The following TF variants were observed in gnomAD, a reference collection of about 807,000 sequenced individuals.
TF encodes transferrin.
In TF, 55 loss-of-function variants were observed where a neutral mutation model predicts 82.4. The observed-to-expected ratio is 0.67, with a 90% CI of 0.54 to 0.84. The LOEUF (loss-of-function observed/expected upper bound fraction) is 0.84, where lower values mean the gene tolerates loss of function less well. Ranked by LOEUF, TF falls within the 40% of genes least tolerant of loss-of-function variation. The pLI, the probability that TF is intolerant of heterozygous loss-of-function variation, is 0.00. For synonymous variants in TF, 332 were observed against 332.6 expected (o/e 1.00, Z 0.02); for missense variants, 737 against 868.4 (o/e 0.85, Z 1.90).
upstream of TF, among the ~76,000 whole-genome samples, chr3:133,741,685 G>A (rs774135555): frequency 3.9e-5 from 6 of 152,206 alleles, no homozygotes; most frequent in African/African-American, 9.6e-5. Flanking sequence ...GGGTCATACC[G>A]TTTTCCTTTA....
chr3:133,755,744 C>G, intron 5 of TF: 1 of 568,492 alleles, frequency 1.8e-6, no homozygotes, highest in Non-Finnish European at 3.1e-6. Flanking sequence ...GCCCTCAAGC[C>G]TGGTCAGTGT....
the TF span, chr3:133,694,343 T>C: frequency 6.5e-6 from 1 of 152,850 alleles, no homozygotes; most frequent in African/African-American, 2.4e-5. Flanking sequence ...AATCGTACTT[T>C]GGCTACGCGG....
chr3:133,728,705 A>G, the TF span, among the ~76,000 whole-genome samples: 2 of 152,198 alleles, frequency 1.3e-5, no homozygotes, highest in Non-Finnish European at 2.9e-5. Context: ...GAGGAACTGC[A>G]TTCCTTTGGA....
chr3:133,719,288 G>A, the TF span, among the ~76,000 whole-genome samples: 1 of 152,094 alleles, frequency 6.6e-6, no homozygotes, highest in Non-Finnish European at 1.5e-5. Flanking sequence ...CCCTGTTAAC[G>A]GGAGAACACA....
At chr3:133,686,554 G>A in the TF span, among the ~76,000 whole-genome samples, 22,058 of 152,060 alleles carry the variant, frequency 0.15, 1,821 homozygotes, top group Non-Finnish European at 0.19. Context: ...GAACAGACAC[G>A]TCTCAAAAGA....
At chr3:133,754,139 G>T (rs1368791015) in intron 3 of TF, 4 of 418,678 alleles carry the variant, frequency 9.6e-6, no homozygotes, top group Non-Finnish European at 1.8e-5. Flanking sequence ...TGTGCCAGGG[G>T]ACATGAAATA....
chr3:133,756,745 C>T (rs985636342), intron 6 of TF, 86 bp from the exon 7 acceptor site: 25 of 1,546,248 alleles, frequency 1.6e-5, no homozygotes, highest in Non-Finnish European at 2.2e-5. Flanking sequence ...TCAGCTCATA[C>T]TTTCTATGAT....
At chr3:133,719,257 A>G in the TF span, among the ~76,000 whole-genome samples, 15 of 152,328 alleles carry the variant, frequency 9.8e-5, no homozygotes, top group African/African-American at 3.6e-4. Flanking sequence ...GGATCCAATC[A>G]GAGAGTCACC....
upstream of TF, chr3:133,746,148 C>T (rs1397515044): frequency 5.8e-6 from 3 of 520,660 alleles, no homozygotes; most frequent in Non-Finnish European, 1.1e-5. Flanking sequence ...CCGAGCGAGC[C>T]GCGATGACAA....
At position 133,778,634 on chromosome 3, in the gene TF, G is replaced by A; in HGVS notation, c.*14G>A. On this transcript the variant is annotated 3_prime_UTR_variant, in exon 17 of 17. Coordinates refer to ENST00000402696, the MANE Select transcript of TF (RefSeq NM_001063.4). ...CGTAGACCTTAAAATCTCAGAGGTA[G>A]GGCTGCCACCAAGGTGAAGATGGGA... 6.2e-7 allele frequency: 1 copy of A among 1,613,376 alleles called. No individual in the cohort carries two copies. The highest frequency in any genetic ancestry group is 1.1e-5 in the South Asian group (1 of 91,022).
chr3:133,775,041 A>G (rs1305744633), intron 14 of TF: 1 of 330,100 alleles, frequency 3.0e-6, no homozygotes, highest in African/African-American at 2.1e-5. Flanking sequence ...TTTTGTTTGG[A>G]GATGCCATGT....
the TF span, among the ~76,000 whole-genome samples, chr3:133,667,916 A>T: frequency 6.6e-6 from 1 of 152,204 alleles, no homozygotes; most frequent in Non-Finnish European, 1.5e-5. Flanking sequence ...ATATAAAAGC[A>T]CTAGCTGCCA....
the TF span, chr3:133,704,259 A>G: frequency 3.9e-5 from 9 of 228,126 alleles, no homozygotes; most frequent in East Asian, 6.5e-4. Flanking sequence ...TGGATGCAGG[A>G]TTCATCTACA....
At chr3:133,662,554 C>T in the TF span, among the ~76,000 whole-genome samples, 13 of 152,184 alleles carry the variant, frequency 8.5e-5, no homozygotes, top group Non-Finnish European at 1.9e-4. Context: ...CTCCCCTCCT[C>T]CTCCCCTTCA....
At position 133,769,604 on chromosome 3, in the gene TF, C is replaced by T. The variant is rs1329032505; in HGVS notation, c.1623-904C>T. 2.0e-5 allele frequency among the ~76,000 whole-genome samples: 3 copies of T among 152,240 alleles called. No homozygotes were observed. In the East Asian group the frequency reaches 5.8e-4, roughly 29 times the overall value. Reference sequence around the variant, plus strand: ...ATCAATATGTGGCACAATAGGTACCCCGTCTTCTCAGCTAGCTACCCCCAA... The same window carrying T: ...ATCAATATGTGGCACAATAGGTACCTCGTCTTCTCAGCTAGCTACCCCCAA... On this transcript the variant is annotated intron_variant, in intron 13 of 16. Transcript: ENST00000402696.
At chr3:133,684,191 C>T in the TF span, among the ~76,000 whole-genome samples, 1 of 152,020 alleles carries the variant, frequency 6.6e-6, no homozygotes, top group Non-Finnish European at 1.5e-5. Flanking sequence ...TCTCTGGGAC[C>T]CATTTAAAGC....
At chr3:133,740,051 C>G in the TF span, among the ~76,000 whole-genome samples, 7 of 152,284 alleles carry the variant, frequency 4.6e-5, no homozygotes, top group Admixed American at 2.0e-4. Flanking sequence ...TATTGTGGCA[C>G]TATTCACAAT....
At chr3:133,667,238 G>T in the TF span, among the ~76,000 whole-genome samples, 1 of 151,772 alleles carries the variant, frequency 6.6e-6, no homozygotes, top group South Asian at 2.1e-4. Flanking sequence ...CACACCTGTA[G>T]TCCCAGGTAC....
chr3:133,783,422 C>A lies in TF; in HGVS notation c.*4802C>A, dbSNP rs1934565781. The A allele has an allele frequency of 1.3e-5, 2 of 152,002 alleles. No homozygotes were observed. Among genetic ancestry groups the A allele is most frequent in the South Asian group, 4.2e-4 (2 of 4,812 alleles). 9.4% of individuals were successfully genotyped at this position (152,002 alleles called of 1,614,324 possible). On this transcript the variant is annotated 3_prime_UTR_variant, in exon 17 of 17. Transcript: ENST00000402696. ...TTGGCGCAGAAGAAAATCTCGTGGA[C>A]CTCCAACTTACCGGTTAAAGTAAAA...
Sources: allele counts gnomAD v4.1 joint callset (sites outside exome capture counted in the v4.1 genomes callset), GRCh38; gene constraint gnomAD v4.1.1; transcripts MANE v1.5; gene names NCBI Gene and HGNC (gene_info 2026-07-23, HGNC 2026-07-21).